FANCC: variants seen among roughly 807,000 people sequenced by gnomAD.
The protein encoded by FANCC is FA complementation group C, also known as Fanconi anemia group C protein.
In FANCC, 55 loss-of-function variants were observed where a neutral mutation model predicts 71.3. The ratio of observed to expected loss-of-function variants is 0.77; its 90% CI spans 0.62 to 0.97. The LOEUF (loss-of-function observed/expected upper bound fraction) is 0.97, where lower values mean the gene tolerates loss of function less well. Among genes scored for constraint, FANCC ranks in the 50% least tolerant of loss-of-function variants. FANCC has a pLI of 0.00. For missense variants in FANCC, 678 were observed against 670.9 expected, an observed-to-expected ratio of 1.01 and a Z score of -0.12; for synonymous variants, 275 against 244.9, an observed-to-expected ratio of 1.12 and a Z score of -1.15.
rs1412103995 is a variant in FANCC at position 95,249,842 on chromosome 9, ACTGT to A, written c.-78-477_-78-474del. 4.2e-4 allele frequency among the ~76,000 whole-genome samples: 64 copies of A among 152,334 alleles called. 1 individual carries two copies. The South Asian group carries it at 0.011, about 27-fold the overall frequency. On this transcript the variant is annotated intron_variant, in intron 1 of 14. Coordinates refer to ENST00000289081, the MANE Select transcript of FANCC (RefSeq NM_000136.3). ...AGGTGTAAAAAAATCTCTATGCATT[ACTGT>A]CTAACGAATTTTTTTCCCAGTTTCT... is the stretch of plus-strand genomic sequence containing the variant.
chr9:95,292,553 G>T, intron 1 of FANCC: 1 of 1,485,788 alleles, frequency 6.7e-7, no homozygotes, highest in East Asian at 2.4e-5. Context: ...AGCAGTAGGT[G>T]AGCGAGCTGT....
At chr9:95,259,410 T>C (rs1475327898) in intron 1 of FANCC, among the ~76,000 whole-genome samples, 2 of 152,192 alleles carry the variant, frequency 1.3e-5, no homozygotes, top group African/African-American at 4.8e-5. Flanking sequence ...CCATCTGATC[T>C]TTGACAAACC....
chr9:95,112,958 G>C (rs1336713651), intron 12 of FANCC, among the ~76,000 whole-genome samples: 2 of 152,328 alleles, frequency 1.3e-5, no homozygotes, highest in Middle Eastern at 3.4e-3. Flanking sequence ...GGTGGGTAGA[G>C]AGAAGAGAAA....
intron 4 of FANCC, among the ~76,000 whole-genome samples, chr9:95,237,813 G>A (rs922758234): frequency 6.6e-6 from 1 of 152,094 alleles, no homozygotes; most frequent in Non-Finnish European, 1.5e-5. Flanking sequence ...ATACACAGTG[G>A]ATTTCAAAGA....
rs1349398241 is a variant in FANCC at position 95,135,359 on chromosome 9, T to A, written c.830A>T (p.Lys277Ile). 12 of 1,613,956 alleles carry A rather than the reference T, an allele frequency of 7.4e-6. No homozygotes were observed. The highest frequency in any genetic ancestry group is 9.3e-6 in the Non-Finnish European group (11 of 1,180,014). Residue 277 changes from lysine (K) to isoleucine (I), a missense_variant, in exon 8 of 15, where the codon AAA becomes ATA. By Grantham distance (102) the Lys-to-Ile change is moderately radical. Transcript: ENST00000289081. ...NCLRRIECFIKDSSLPQAACH... is the reference protein window; with the variant it reads ...NCLRRIECFIIDSSLPQAACH... ...CCCAGTACGTACCAGCGATGAATCTTTTATAAAGCATTCGATCCTTCTCAG... is the reference window on the plus strand; with the variant it reads ...CCCAGTACGTACCAGCGATGAATCTATTATAAAGCATTCGATCCTTCTCAG...
At chr9:95,227,381 CCA>C (rs1829685345) in intron 4 of FANCC, among the ~76,000 whole-genome samples, 1 of 152,150 alleles carries the variant, frequency 6.6e-6, no homozygotes, top group Non-Finnish European at 1.5e-5. Flanking sequence ...TCTACTAAAT[CCA>C]GAGGAGCCAA....
rs145416703 is a variant in FANCC, at chr9:95,139,345, T to C, written c.687-3843A>G. Among the ~76,000 whole-genome samples, 92 of 152,268 alleles carry C rather than the reference T, an allele frequency of 6.0e-4. 1 individual carries two copies. The East Asian group carries it at 0.016, about 26-fold the overall frequency. On this transcript the variant is annotated intron_variant, in intron 7 of 14. Transcript: ENST00000289081. ...TCCTCACAGGCAGGCAGGCACTGGC[T>C]TCACATGGCCAGTCATGTGGTGCCA...
At chr9:95,112,957 A>G (rs552869517) in intron 12 of FANCC, among the ~76,000 whole-genome samples, 1 of 152,296 alleles carries the variant, frequency 6.6e-6, no homozygotes, top group East Asian at 1.9e-4. Context: ...GGGTGGGTAG[A>G]GAGAAGAGAA....
At chr9:95,134,425 G>A (rs914074394) in intron 8 of FANCC, among the ~76,000 whole-genome samples, 11 of 152,048 alleles carry the variant, frequency 7.2e-5, no homozygotes, top group Admixed American at 4.6e-4. Context: ...CCAGTGTCCC[G>A]GCCACTAACT....
chr9:95,214,941 T>C (rs1455713786), intron 4 of FANCC, among the ~76,000 whole-genome samples: 1 of 152,206 alleles, frequency 6.6e-6, no homozygotes, highest in Non-Finnish European at 1.5e-5. Flanking sequence ...AATATGAATG[T>C]ACTTAATACC....
chr9:95,300,840 C>T (rs1834678704), intron 1 of FANCC, among the ~76,000 whole-genome samples: 1 of 152,204 alleles, frequency 6.6e-6, no homozygotes, highest in Admixed American at 6.5e-5. Context: ...GACACATCAG[C>T]GACTGGGGGC....
At chr9:95,258,311 T>C (rs1831797701) in intron 1 of FANCC, among the ~76,000 whole-genome samples, 1 of 152,134 alleles carries the variant, frequency 6.6e-6, no homozygotes, top group Non-Finnish European at 1.5e-5. Flanking sequence ...GCAAGCCAAA[T>C]CCAGCAACAC....
At chr9:95,173,174 C>T (rs1042617542) in intron 4 of FANCC, among the ~76,000 whole-genome samples, 2 of 152,112 alleles carry the variant, frequency 1.3e-5, no homozygotes, top group African/African-American at 4.8e-5. Flanking sequence ...ACATGAATAG[C>T]TAAGCTGTAT....
rs889963119 is a variant in FANCC, at chr9:95,099,502, G to T, written c.*2205C>A. The T allele has an allele frequency of 8.8e-6, 2 of 228,478 alleles. No individual in the cohort carries two copies. Among genetic ancestry groups the T allele is most frequent in the African/African-American group, 4.5e-5 (2 of 44,646 alleles). 14.2% of individuals were successfully genotyped at this position (228,478 alleles called of 1,614,324 possible). On this transcript the variant is annotated 3_prime_UTR_variant, in exon 15 of 15. Coordinates refer to ENST00000289081, the MANE Select transcript of FANCC (RefSeq NM_000136.3). ...CACCTGCCCAGGCTTTGCCGAAATC[G>T]AAGGCAACAAGAGGGGGAGGTGGGC...
intron 14 of FANCC, among the ~76,000 whole-genome samples, chr9:95,105,188 C>T (rs1232500873): frequency 1.3e-5 from 2 of 152,194 alleles, no homozygotes; most frequent in African/African-American, 2.4e-5. Context: ...AGCCTGGGCC[C>T]ACTCCACAGG....
chr9:95,280,566 A>G (rs1352123383), intron 1 of FANCC, among the ~76,000 whole-genome samples: 9 of 152,224 alleles, frequency 5.9e-5, no homozygotes, highest in Non-Finnish European at 1.3e-4. Flanking sequence ...AATATAACAA[A>G]TGTGCTCTGA....
chr9:95,303,184 A>G (rs1345589779), intron 1 of FANCC, among the ~76,000 whole-genome samples: 1 of 152,264 alleles, frequency 6.6e-6, no homozygotes, highest in East Asian at 1.9e-4. Flanking sequence ...AATATGGCTA[A>G]TGAATCTGAG....
intron 1 of FANCC, among the ~76,000 whole-genome samples, chr9:95,265,602 G>A (rs1832340192): frequency 6.6e-6 from 1 of 152,122 alleles, no homozygotes; most frequent in Admixed American, 6.5e-5. Context: ...TTACCTGACA[G>A]TAAGACTTGG....
intron 6 of FANCC, among the ~76,000 whole-genome samples, chr9:95,165,103 T>C (rs1212503931): frequency 6.6e-6 from 1 of 152,010 alleles, no homozygotes; most frequent in African/African-American, 2.4e-5. Flanking sequence ...TTTTTAATTT[T>C]TGTGGCATCA....
Sources: allele counts gnomAD v4.1 joint callset (sites outside exome capture counted in the v4.1 genomes callset), GRCh38; gene constraint gnomAD v4.1.1; transcripts MANE v1.5; gene names NCBI Gene and HGNC (gene_info 2026-07-23, HGNC 2026-07-21).